The following SFSWAP variants were observed in gnomAD, a reference collection of about 807,000 sequenced individuals.
SFSWAP encodes splicing factor SWAP, also known as splicing factor, suppressor of white-apricot homolog.
Under a neutral mutation model 100.7 loss-of-function variants are expected in SFSWAP, and 17 were observed. The ratio of observed to expected loss-of-function variants is 0.17; its 90% confidence interval spans 0.12 to 0.25. SFSWAP has a LOEUF of 0.25. Ranked by LOEUF, SFSWAP falls within the 10% of genes least tolerant of loss-of-function variation. The pLI is 1.00. For synonymous variants in SFSWAP, 504 were observed against 510.1 expected (o/e 0.99, Z 0.16); for missense variants, 1,005 against 1,262.6 (o/e 0.80, Z 3.09).
intron 8 of SFSWAP, 104 bp from the exon 9 acceptor site, chr12:131,754,264 A>G: frequency 1.2e-6 from 1 of 833,688 alleles, no homozygotes; most frequent in Non-Finnish European, 1.8e-6. Context: ...TTTATAACTC[A>G]CATGTCTCTC....
At chr12:131,736,395 T>G (rs1593128340) in intron 7 of SFSWAP, among the ~76,000 whole-genome samples, 1 of 152,174 alleles carries the variant, frequency 6.6e-6, no homozygotes, top group African/African-American at 2.4e-5. Context: ...ATTCAATTAA[T>G]TTTTTAAAAA....
intron 11 of SFSWAP, among the ~76,000 whole-genome samples, chr12:131,762,692 C>T (rs1882776960): frequency 6.6e-6 from 1 of 152,124 alleles, no homozygotes; most frequent in Admixed American, 6.5e-5. Flanking sequence ...CCTCTGCCTC[C>T]CGGGTTCAAG....
intron 7 of SFSWAP, 71 bp from the exon 8 acceptor site, chr12:131,753,052 T>C: frequency 2.5e-6 from 4 of 1,583,974 alleles, no homozygotes; most frequent in Non-Finnish European, 2.6e-6. Flanking sequence ...AGGGCTCTTG[T>C]GGCTGCATTG....
chr12:131,777,732 A>G (rs1487966071), intron 13 of SFSWAP, among the ~76,000 whole-genome samples: 4 of 152,216 alleles, frequency 2.6e-5, no homozygotes, highest in Non-Finnish European at 4.4e-5. Flanking sequence ...GACTTCCACA[A>G]TGGGTGAACT....
At chr12:131,784,587 G>A (rs1363921622) in intron 14 of SFSWAP, 2 of 152,020 alleles carry the variant, frequency 1.3e-5, no homozygotes, top group African/African-American at 2.4e-5. Flanking sequence ...GTTTAATTCA[G>A]ACCATTTCAT....
At chr12:131,768,717 C>T (rs539628188) in intron 13 of SFSWAP, among the ~76,000 whole-genome samples, 1 of 152,330 alleles carries the variant, frequency 6.6e-6, no homozygotes, top group African/African-American at 2.4e-5. Flanking sequence ...CCCAGCAGCC[C>T]CCCGGGACGC....
chr12:131,747,534 G>A (rs11246795), intron 7 of SFSWAP, among the ~76,000 whole-genome samples: 4 of 152,196 alleles, frequency 2.6e-5, no homozygotes, highest in East Asian at 1.9e-4. Context: ...GAGAGAGGTC[G>A]CCATGGGAGG....
rs1420216850 is a variant in SFSWAP at position 131,755,496 on chromosome 12, A to T, written c.1548+17A>T. 4 of 1,578,730 alleles carry T rather than the reference A, an allele frequency of 2.5e-6. No homozygotes were observed. The highest frequency in any genetic ancestry group is 3.5e-6 in the Non-Finnish European group (4 of 1,148,282). Reference sequence around the variant, plus strand: ...AGCATGCAGGTACGTGTCTGAATGCAGGGAGGCTGTGAAGCTCTTAGAGGT... The same window carrying T: ...AGCATGCAGGTACGTGTCTGAATGCTGGGAGGCTGTGAAGCTCTTAGAGGT... On this transcript the variant is annotated intron_variant, in intron 10 of 17. Coordinates refer to ENST00000261674, the MANE Select transcript of SFSWAP (RefSeq NM_004592.4).
chr12:131,716,827 C>A (rs951500516), intron 3 of SFSWAP, among the ~76,000 whole-genome samples: 12 of 152,028 alleles, frequency 7.9e-5, no homozygotes, highest in African/African-American at 2.9e-4. Context: ...ATTGTCTCGG[C>A]GTAATTATTG....
intron 7 of SFSWAP, among the ~76,000 whole-genome samples, chr12:131,738,238 T>A (rs1462004686): frequency 6.6e-6 from 1 of 152,212 alleles, no homozygotes. Flanking sequence ...CTTTACTTAC[T>A]TTCCAAACCC....
intron 4 of SFSWAP, chr12:131,723,308 AGGTATTTTCTCCCCGCACTTTG>A (rs1372918165): frequency 2.0e-5 from 3 of 152,122 alleles, no homozygotes; most frequent in Admixed American, 6.5e-5. Context: ...TGTGTCTTGC[AGGTATTTTCTCCCCGCACTTTG>A]TTTTCTAAGT....
chr12:131,792,750 A>G (rs957620119), intron 15 of SFSWAP, among the ~76,000 whole-genome samples: 2 of 152,376 alleles, frequency 1.3e-5, no homozygotes, highest in East Asian at 1.9e-4. Context: ...ATATTAGCCA[A>G]CTAAGTATTA....
intron 3 of SFSWAP, among the ~76,000 whole-genome samples, chr12:131,716,835 T>C (rs966343092): frequency 6.6e-6 from 1 of 152,228 alleles, no homozygotes; most frequent in Non-Finnish European, 1.5e-5. Context: ...GGCGTAATTA[T>C]TGGGCTAAAT....
intron 12 of SFSWAP, among the ~76,000 whole-genome samples, chr12:131,764,974 G>A (rs1044243583): frequency 3.9e-5 from 6 of 152,252 alleles, no homozygotes; most frequent in African/African-American, 7.2e-5. Context: ...ATTAATGGCA[G>A]CTCACTTTGC....
At chr12:131,798,911 G>A (rs1885869599) in intron 16 of SFSWAP, 126 bp from the exon 17 acceptor site, 1 of 680,406 alleles carries the variant, frequency 1.5e-6, no homozygotes, top group Non-Finnish European at 2.6e-6. Context: ...AAAAGATACT[G>A]GAAGCAGATG....
rs780451043 is a variant in SFSWAP at position 131,798,069 on chromosome 12, C to T, written c.2717+709C>T. Among the ~76,000 whole-genome samples, 9 of 152,298 alleles carry T rather than the reference C, an allele frequency of 5.9e-5. No homozygotes were observed. The South Asian group carries it at 1.0e-3, about 18-fold the overall frequency. On this transcript the variant is annotated intron_variant, in intron 16 of 17. Coordinates refer to ENST00000261674, the MANE Select transcript of SFSWAP (RefSeq NM_004592.4). ...TTAAAATGTAAATCAGGCTGGGCGC[C>T]GTGGCTCATACCTGTAATCCCAGCA... is the stretch of plus-strand genomic sequence containing the variant.
intron 13 of SFSWAP, among the ~76,000 whole-genome samples, chr12:131,772,805 T>C (rs12320129): frequency 0.095 from 14,537 of 152,236 alleles, 984 homozygotes; most frequent in South Asian, 0.22. Context: ...TGAGTTCTTG[T>C]CCGGCGTCCA....
At chr12:131,788,535 T>C (rs1238330766) in intron 15 of SFSWAP, among the ~76,000 whole-genome samples, 1 of 151,992 alleles carries the variant, frequency 6.6e-6, no homozygotes. Flanking sequence ...GGGGGCGTTT[T>C]TTTTTTTTGA....
intron 15 of SFSWAP, among the ~76,000 whole-genome samples, chr12:131,787,040 G>A (rs1884945025): frequency 6.6e-6 from 1 of 152,186 alleles, no homozygotes; most frequent in African/African-American, 2.4e-5. Context: ...CCCAGGAGAG[G>A]CCACAGAGTC....
Sources: gnomAD v4.1 joint callset for allele counts (sites outside exome capture counted in the v4.1 genomes callset) on GRCh38, gnomAD v4.1.1 for gene constraint, MANE v1.5 for transcripts, NCBI Gene and HGNC (gene_info 2026-07-23, HGNC 2026-07-21) for gene names.